The following ZBBX variants were observed in gnomAD, a reference collection of about 807,000 sequenced individuals.
The protein encoded by ZBBX is zinc finger B-box domain containing, also known as zinc finger B-box domain-containing protein 1.
In ZBBX, 101 loss-of-function variants were observed where a neutral mutation model predicts 108.5. The ratio of observed to expected loss-of-function variants is 0.93; its 90% CI spans 0.79 to 1.10. ZBBX has a LOEUF of 1.10. Ranked by LOEUF, ZBBX falls within the 50% of genes least tolerant of loss-of-function variation. ZBBX has a pLI of 0.00. For missense variants in ZBBX, 1,009 were observed against 941.4 expected (o/e 1.07, Z -0.94); for synonymous variants, 356 against 323.4 (o/e 1.10, Z -1.08).
chr3:167,317,515 G>A lies in ZBBX; in HGVS notation c.1066C>T (p.Gln356Ter), dbSNP rs1326021762. ...TCACTATCTTCATCGTTTTCATTTT[G>A]AGAACACTGTGCATCACCAGTGGTT... ...HETTGDAQCSQNENDEDSDGE... is the reference protein window; with the variant it reads ...HETTGDAQCS Residue 356 changes from glutamine to a stop codon, truncating the protein, a stop_gained, in exon 13 of 22, where the codon CAA becomes TAA. Coordinates refer to ENST00000675490, the MANE Select transcript of ZBBX (RefSeq NM_001199201.2). LOFTEE classifies it high-confidence loss of function. 7.5e-6 allele frequency: 12 copies of A among 1,608,808 alleles called. No individual in the cohort carries two copies. Among genetic ancestry groups the A allele is most frequent in the Non-Finnish European group, 1.0e-5 (12 of 1,177,640 alleles).
In ZBBX at chr3:167,328,059, A is replaced by G; in HGVS notation, c.745T>C (p.Cys249Arg). 6.2e-7 allele frequency: 1 copy of G among 1,613,906 alleles called. No individual in the cohort carries two copies. Among genetic ancestry groups the G allele is most frequent in the Non-Finnish European group, 8.5e-7 (1 of 1,179,932 alleles). Reference sequence around the variant, plus strand: ...GCTTCTTCATCGAATGACCCTTCACACAACAGACTCTTTCTTGGTTTTGTA... The same window carrying G: ...GCTTCTTCATCGAATGACCCTTCACGCAACAGACTCTTTCTTGGTTTTGTA... ...QRTKPRKSLLCEGSFDEEASA... is the reference protein window; with the variant it reads ...QRTKPRKSLLREGSFDEEASA... The change falls in exon 11 of 22, where the codon TGT becomes CGT. Residue 249 changes from cysteine (C) to arginine (R), a missense_variant. Coordinates refer to ENST00000675490, the MANE Select transcript of ZBBX (RefSeq NM_001199201.2).
chr3:167,319,924 T>C (rs1451994964), intron 12 of ZBBX, among the ~76,000 whole-genome samples: 1 of 151,922 alleles, frequency 6.6e-6, no homozygotes, highest in East Asian at 1.9e-4. Flanking sequence ...TCGGAATGCC[T>C]GGGTGTGAAT....
intron 20 of ZBBX, among the ~76,000 whole-genome samples, chr3:167,266,535 A>G (rs1349369874): frequency 6.6e-6 from 1 of 152,032 alleles, no homozygotes; most frequent in African/African-American, 2.4e-5. Flanking sequence ...TGTACCTCAC[A>G]TCCCCCTCCC....
the ZBBX span, among the ~76,000 whole-genome samples, chr3:167,208,638 G>T: frequency 6.6e-6 from 1 of 152,152 alleles, no homozygotes; most frequent in Non-Finnish European, 1.5e-5. Context: ...AGAGCCCTTG[G>T]GCTCTCAATG....
chr3:167,257,120 T>A (rs945400950), intron 20 of ZBBX, among the ~76,000 whole-genome samples: 1 of 152,206 alleles, frequency 6.6e-6, no homozygotes, highest in African/African-American at 2.4e-5. Flanking sequence ...TTTCTCCACA[T>A]GCTTGCCAGC....
At chr3:167,218,637 A>T in the ZBBX span, among the ~76,000 whole-genome samples, 1 of 152,124 alleles carries the variant, frequency 6.6e-6, no homozygotes, top group Non-Finnish European at 1.5e-5. Context: ...TACACAAAAA[A>T]ATAAAAAGCA....
intron 18 of ZBBX, among the ~76,000 whole-genome samples, chr3:167,290,076 A>C (rs947801110): frequency 1.3e-5 from 2 of 152,184 alleles, no homozygotes; most frequent in Admixed American, 6.5e-5. Flanking sequence ...CCAGCCACAG[A>C]CTTATAGATA....
the ZBBX span, among the ~76,000 whole-genome samples, chr3:167,233,437 T>C: frequency 6.6e-6 from 1 of 150,808 alleles, no homozygotes; most frequent in Non-Finnish European, 1.5e-5. Context: ...GGCCCAGGAG[T>C]GAACAAAAGG....
At chr3:167,206,619 T>A in the ZBBX span, among the ~76,000 whole-genome samples, 2 of 152,076 alleles carry the variant, frequency 1.3e-5, no homozygotes, top group African/African-American at 4.8e-5. Context: ...AAAATTTTAA[T>A]GGCATTTTTC....
At chr3:167,338,652 T>C (rs1042896648) in intron 9 of ZBBX, among the ~76,000 whole-genome samples, 3 of 152,082 alleles carry the variant, frequency 2.0e-5, no homozygotes, top group African/African-American at 2.4e-5. Context: ...GATTTTTCAG[T>C]CACAAAATTT....
chr3:167,310,688 A>G (rs1246129297), intron 16 of ZBBX, among the ~76,000 whole-genome samples: 1 of 152,118 alleles, frequency 6.6e-6, no homozygotes, highest in Non-Finnish European at 1.5e-5. Context: ...CTATGATCCA[A>G]TCACCTCCCA....
chr3:167,306,601 C>T (rs1394761510), intron 16 of ZBBX, among the ~76,000 whole-genome samples: 1 of 152,186 alleles, frequency 6.6e-6, no homozygotes, highest in Non-Finnish European at 1.5e-5. Flanking sequence ...ATGGGCCTGA[C>T]CCCAAACCAA....
At chr3:167,375,986 C>G (rs1377336094) in intron 2 of ZBBX, among the ~76,000 whole-genome samples, 1 of 152,080 alleles carries the variant, frequency 6.6e-6, no homozygotes, top group African/African-American at 2.4e-5. Context: ...GCAAATAAGC[C>G]GTGGTGTCTT....
At chr3:167,197,659 A>T in the ZBBX span, among the ~76,000 whole-genome samples, 1 of 152,236 alleles carries the variant, frequency 6.6e-6, no homozygotes, top group Non-Finnish European at 1.5e-5. Context: ...ATATACAATA[A>T]GAAAAATTCC....
chr3:167,306,843 A>G (rs1560101343), intron 16 of ZBBX, among the ~76,000 whole-genome samples: 1 of 152,310 alleles, frequency 6.6e-6, no homozygotes, highest in East Asian at 1.9e-4. Context: ...TGTTCCAAAG[A>G]CAAATATCTC....
chr3:167,311,274 C>CGTGT (rs1734547117), intron 16 of ZBBX, among the ~76,000 whole-genome samples: 1 of 152,096 alleles, frequency 6.6e-6, no homozygotes, highest in Admixed American at 6.6e-5. Flanking sequence ...TATATATAGA[C>CGTGT]ACAGACCTTA....
chr3:167,280,253 C>T (rs1253629642), intron 20 of ZBBX, among the ~76,000 whole-genome samples: 1 of 150,796 alleles, frequency 6.6e-6, no homozygotes, highest in African/African-American at 2.5e-5. Context: ...CAAACGGGAT[C>T]TAATTAAAGT....
At chr3:167,335,825 G>C (rs1432297733) in intron 9 of ZBBX, among the ~76,000 whole-genome samples, 1 of 151,784 alleles carries the variant, frequency 6.6e-6, no homozygotes, top group African/African-American at 2.4e-5. Context: ...ATATATTGCT[G>C]TCTGTATGCA....
chr3:167,293,277 T>C (rs1010991968), intron 18 of ZBBX, among the ~76,000 whole-genome samples: 3 of 152,172 alleles, frequency 2.0e-5, no homozygotes, highest in Admixed American at 2.0e-4. Flanking sequence ...ATATCCCTGA[T>C]GAATATCTAT....
Sources: allele counts gnomAD v4.1 joint callset (sites outside exome capture counted in the v4.1 genomes callset), GRCh38; gene constraint gnomAD v4.1.1; transcripts MANE v1.5; gene names NCBI Gene and HGNC (gene_info 2026-07-23, HGNC 2026-07-21).